DCLK1: variants seen among roughly 807,000 people sequenced by gnomAD.
The protein encoded by DCLK1 is serine/threonine-protein kinase DCLK1.
Under a neutral mutation model 86.2 loss-of-function variants are expected in DCLK1, and 16 were observed. The ratio of observed to expected loss-of-function variants is 0.19; its 90% CI spans 0.13 to 0.28. The LOEUF is 0.28. DCLK1 is among the 10% of genes least tolerant of loss of function. The pLI, the probability that DCLK1 is intolerant of heterozygous loss-of-function variation, is 1.00. For synonymous variants in DCLK1, 369 were observed against 370.5 expected (o/e 1.00, Z 0.05); for missense variants, 590 against 940.2 (o/e 0.63, Z 4.87).
chr13:36,059,891 G>A (rs1883477955), intron 3 of DCLK1, among the ~76,000 whole-genome samples: 1 of 141,546 alleles, frequency 7.1e-6, no homozygotes, highest in Admixed American at 7.2e-5. Context: ...TTTTCTTTGA[G>A]ACAGAGTTTT....
At chr13:36,076,143 T>C (rs1884207021) in intron 3 of DCLK1, among the ~76,000 whole-genome samples, 2 of 152,200 alleles carry the variant, frequency 1.3e-5, no homozygotes. Context: ...AAAGAATGAA[T>C]AGAAATCACT....
chr13:35,988,042 C>T (rs1880028036), intron 3 of DCLK1, among the ~76,000 whole-genome samples: 2 of 152,118 alleles, frequency 1.3e-5, no homozygotes, highest in South Asian at 4.1e-4. Context: ...CTTCTGAGCC[C>T]CACTTTTGGA....
intron 4 of DCLK1, among the ~76,000 whole-genome samples, chr13:35,891,773 A>G (rs1273856945): frequency 2.0e-5 from 3 of 152,170 alleles, no homozygotes; most frequent in Non-Finnish European, 4.4e-5. Flanking sequence ...GAACTCTAGA[A>G]ACATTTGGTT....
intron 3 of DCLK1, among the ~76,000 whole-genome samples, chr13:35,977,109 T>G (rs1879388757): frequency 7.4e-6 from 1 of 135,424 alleles, no homozygotes; most frequent in Admixed American, 8.1e-5. Flanking sequence ...ATGCTGTATT[T>G]TTCGTGTATG....
intron 4 of DCLK1, among the ~76,000 whole-genome samples, chr13:35,906,408 A>C (rs1593720061): frequency 6.6e-6 from 1 of 152,170 alleles, no homozygotes; most frequent in East Asian, 1.9e-4. Flanking sequence ...ACAATTAATA[A>C]GAAATAAATT....
chr13:35,896,411 G>A (rs569035947), intron 4 of DCLK1, among the ~76,000 whole-genome samples: 34 of 151,744 alleles, frequency 2.2e-4, no homozygotes, highest in Middle Eastern at 3.4e-3. Context: ...TGGTGCATGC[G>A]CCTGTAATCC....
At chr13:35,825,518 G>A (rs1408502578) in intron 10 of DCLK1, among the ~76,000 whole-genome samples, 3 of 152,052 alleles carry the variant, frequency 2.0e-5, no homozygotes, top group Non-Finnish European at 4.4e-5. Flanking sequence ...CACCAAATGC[G>A]TTCAGAGTGC....
chr13:35,802,324 C>A (rs1389318503), intron 15 of DCLK1, among the ~76,000 whole-genome samples: 1 of 148,468 alleles, frequency 6.7e-6, no homozygotes, highest in South Asian at 2.2e-4. Context: ...AGAGTGAGAC[C>A]CTGTCTCAAA....
At chr13:35,928,965 TG>T (rs1288116104) in intron 4 of DCLK1, among the ~76,000 whole-genome samples, 1 of 152,186 alleles carries the variant, frequency 6.6e-6, no homozygotes, top group African/African-American at 2.4e-5. Flanking sequence ...AGTCTCACTC[TG>T]TCACCCAGAC....
chr13:35,828,338 G>A (rs2296646), intron 8 of DCLK1, 31 bp from the exon 9 acceptor site: 1,053,826 of 1,567,648 alleles, frequency 0.67, 359,506 homozygotes, highest in Middle Eastern at 0.74. Flanking sequence ...TTTTTAAAAT[G>A]AAACTTAACT....
intron 3 of DCLK1, among the ~76,000 whole-genome samples, chr13:36,013,649 T>C (rs376382549): frequency 6.6e-6 from 1 of 152,048 alleles, no homozygotes; most frequent in Admixed American, 6.5e-5. Context: ...GACAGGGACA[T>C]TTAAGTCTGC....
intron 3 of DCLK1, among the ~76,000 whole-genome samples, chr13:35,959,840 C>A (rs1187037665): frequency 3.4e-5 from 5 of 146,848 alleles, no homozygotes; most frequent in Non-Finnish European, 5.9e-5. Context: ...CATGAAAAAA[C>A]CAATACAGCA....
At chr13:35,853,006 G>A (rs1359353102) in intron 6 of DCLK1, among the ~76,000 whole-genome samples, 1 of 152,212 alleles carries the variant, frequency 6.6e-6, no homozygotes, top group East Asian at 1.9e-4. Flanking sequence ...GGCCCTTCCT[G>A]CTCTGTATCC....
chr13:35,854,458 C>T (rs1926466), intron 6 of DCLK1, 41 bp downstream of exon 6: 643,200 of 1,516,766 alleles, frequency 0.42, 138,687 homozygotes, highest in East Asian at 0.65. Context: ...TGCACCAAGG[C>T]TGAGACAGGT....
chr13:35,798,557 G>A (rs9574629), intron 15 of DCLK1, among the ~76,000 whole-genome samples: 20,270 of 151,988 alleles, frequency 0.13, 2,670 homozygotes, highest in African/African-American at 0.34. Context: ...CCACCTGCAC[G>A]GCACCCCCAG....
chr13:35,832,934 T>G (rs1869071012), intron 8 of DCLK1, among the ~76,000 whole-genome samples: 1 of 152,186 alleles, frequency 6.6e-6, no homozygotes, highest in South Asian at 2.1e-4. Context: ...CAAATTCCAG[T>G]TCTGATGGAA....
chr13:36,044,653 A>G (rs1020834967), intron 3 of DCLK1, among the ~76,000 whole-genome samples: 4 of 152,202 alleles, frequency 2.6e-5, no homozygotes, highest in African/African-American at 7.2e-5. Flanking sequence ...AGCAAATGAA[A>G]TAATAATAGT....
At chr13:35,931,845 G>A (rs1208562454) in intron 4 of DCLK1, among the ~76,000 whole-genome samples, 1 of 152,168 alleles carries the variant, frequency 6.6e-6, no homozygotes, top group African/African-American at 2.4e-5. Flanking sequence ...ACCCTGATAT[G>A]TACTGTGGGA....
intron 5 of DCLK1, among the ~76,000 whole-genome samples, chr13:35,869,644 C>T (rs963957673): frequency 4.6e-5 from 7 of 152,200 alleles, no homozygotes; most frequent in African/African-American, 1.4e-4. Context: ...TTTTCCAAAA[C>T]CCCCTGCTTC....
Sources: allele counts gnomAD v4.1 joint callset (sites outside exome capture counted in the v4.1 genomes callset), GRCh38; gene constraint gnomAD v4.1.1; transcripts MANE v1.5; gene names NCBI Gene and HGNC (gene_info 2026-07-23, HGNC 2026-07-21).